The following PALLD variants were observed in gnomAD, a reference collection of about 807,000 sequenced individuals.
PALLD encodes the protein palladin, cytoskeletal associated protein, also known as palladin.
PALLD carries 61 observed loss-of-function variants against 123.5 expected under a neutral mutation model. The ratio of observed to expected loss-of-function variants is 0.49; its 90% CI spans 0.40 to 0.61. The LOEUF (loss-of-function observed/expected upper bound fraction) is 0.61. Among genes scored for constraint, PALLD ranks in the 20% least tolerant of loss-of-function variants. The pLI is 0.00. For missense variants in PALLD, 1,273 were observed against 1,377.0 expected, an observed-to-expected ratio of 0.92 and a Z score of 1.20; for synonymous variants, 465 against 496.4, an observed-to-expected ratio of 0.94 and a Z score of 0.84.
At chr4:168,679,464 A>ATAT (rs1781316322) in intron 3 of PALLD, among the ~76,000 whole-genome samples, 1 of 38,782 alleles carries the variant, frequency 2.6e-5, no homozygotes, top group African/African-American at 1.2e-4. Context: ...GTGAGTATGG[A>ATAT]CGTGTGTGGG....
chr4:168,635,794 C>T (rs1164611249), intron 2 of PALLD, among the ~76,000 whole-genome samples: 1 of 152,126 alleles, frequency 6.6e-6, no homozygotes, highest in Non-Finnish European at 1.5e-5. Flanking sequence ...TGGATTCCCG[C>T]AGTTTGAGTC....
At chr4:168,557,507 C>T (rs1767441766) in intron 2 of PALLD, among the ~76,000 whole-genome samples, 1 of 152,210 alleles carries the variant, frequency 6.6e-6, no homozygotes, top group African/African-American at 2.4e-5. Context: ...AAATCATATT[C>T]ATTAGTTCAT....
chr4:168,505,435 C>G (rs1436944723), intron 1 of PALLD, among the ~76,000 whole-genome samples: 1 of 152,158 alleles, frequency 6.6e-6, no homozygotes, highest in African/African-American at 2.4e-5. Flanking sequence ...TATAATGCTC[C>G]TTGTGAAGTT....
rs1218207967 is a variant in PALLD, at chr4:168,844,973, G to A, written c.1965-45949G>A. 6.6e-6 allele frequency among the ~76,000 whole-genome samples: 1 copy of A among 152,150 alleles called. No individual in the cohort carries two copies. The highest frequency in any genetic ancestry group is 6.5e-5 in the Admixed American group (1 of 15,278). ...CTCTGAGGAGGGACTGACCAGCTCT[G>A]CCTGGGGGAGTAAGGAGAAGCTTCA... On this transcript the variant is annotated intron_variant, in intron 10 of 21. Coordinates refer to ENST00000505667, the MANE Select transcript of PALLD (RefSeq NM_001166108.2). This position sits in a 1 kb window ranked among gnomAD's most constrained non-coding sequence, Gnocchi z 4.5.
Position 168,668,249 on chromosome 4 carries a change from G to A in PALLD, c.968G>A (p.Gly323Glu). 1 of 1,614,080 alleles carries A rather than the reference G, an allele frequency of 6.2e-7. No homozygotes were observed. The highest frequency in any genetic ancestry group is 8.5e-7 in the Non-Finnish European group (1 of 1,179,916). ...NTPDIQIHCE[G>E]GDLHTLIIAE... ...CCTGATATTCAAATCCACTGTGAGG[G>A]AGGGGACCTCCATACCCTGATCATA... The change falls in exon 3 of 22, where the codon GGA (glycine) becomes GAA (glutamate). Residue 323 changes from glycine (G) to glutamate (E), a missense_variant. Physicochemically the swap from Gly to Glu is moderately conservative, Grantham distance 98 (BLOSUM62 -2). This residue lies in a region of PALLD where 944 missense variants were observed against 954.5 expected (regional missense o/e 0.99). Coordinates refer to ENST00000505667, the MANE Select transcript of PALLD (RefSeq NM_001166108.2).
At chr4:168,750,541 T>TA (rs1174566624) in intron 10 of PALLD, among the ~76,000 whole-genome samples, 2 of 152,292 alleles carry the variant, frequency 1.3e-5, no homozygotes, top group East Asian at 1.9e-4. Context: ...TATATATATA[T>TA]TTTTTAACAA....
At chr4:168,761,405 T>C (rs1421672101) in intron 10 of PALLD, among the ~76,000 whole-genome samples, 1 of 152,068 alleles carries the variant, frequency 6.6e-6, no homozygotes, top group East Asian at 1.9e-4. Flanking sequence ...ATCCACAGGA[T>C]TTACATGAAA....
At chr4:168,670,775 C>CAA (rs112589264) in intron 3 of PALLD, among the ~76,000 whole-genome samples, 1 of 100,214 alleles carries the variant, frequency 1.0e-5, no homozygotes, top group Non-Finnish European at 2.0e-5. Flanking sequence ...CAAAAAAAAA[C>CAA]AAAAAAAAAA....
At chr4:168,872,112 G>A (rs1751161390) in intron 10 of PALLD, among the ~76,000 whole-genome samples, 1 of 152,186 alleles carries the variant, frequency 6.6e-6, no homozygotes, top group Non-Finnish European at 1.5e-5. Context: ...GCCATCCTTT[G>A]ATATTCCAGA....
chr4:168,644,165 T>C (rs1406859235), intron 2 of PALLD, among the ~76,000 whole-genome samples: 3 of 151,822 alleles, frequency 2.0e-5, no homozygotes, highest in Non-Finnish European at 4.4e-5. Flanking sequence ...CTTGGCTCTC[T>C]GCAACCTCCA....
At chr4:168,530,127 G>C (rs998778003) in intron 2 of PALLD, among the ~76,000 whole-genome samples, 11 of 152,196 alleles carry the variant, frequency 7.2e-5, no homozygotes, top group African/African-American at 2.7e-4. Flanking sequence ...TACTTTGATA[G>C]AAATGGAGTA....
At chr4:168,772,220 G>A (rs2150505920) in intron 10 of PALLD, among the ~76,000 whole-genome samples, 1 of 152,270 alleles carries the variant, frequency 6.6e-6, no homozygotes, top group East Asian at 1.9e-4. Flanking sequence ...TGACAGCTAG[G>A]ACTTGAACAC....
chr4:168,617,420 G>A (rs543035794), intron 2 of PALLD, among the ~76,000 whole-genome samples: 80 of 152,320 alleles, frequency 5.3e-4, no homozygotes, highest in East Asian at 4.2e-3. Context: ...GCAGTCCATT[G>A]TGGGGGATGA....
Position 168,896,574 on chromosome 4 carries a change from T to C in PALLD, c.2225T>C (p.Val742Ala), listed in dbSNP as rs756024689. 75 of 1,517,018 alleles carry C rather than the reference T, an allele frequency of 4.9e-5. No individual in the cohort carries two copies. The African/African-American group carries it at 9.0e-4, about 18-fold the overall frequency. The allele number at this position is 1,517,018 out of a possible 1,614,324, so 94.0% of individuals were successfully genotyped here. Reference sequence around the variant, plus strand: ...GACATTGGTTCTCCTCATGCTTCTGTAGGGAGTCCTCTGGATGGTCAAAAG... The same window carrying C: ...GACATTGGTTCTCCTCATGCTTCTGCAGGGAGTCCTCTGGATGGTCAAAAG... ...NQDIGSPHAS[V>A]GSPLDGQKEY... The change falls in exon 13 of 22, where the codon GTA becomes GCA. Residue 742 changes from valine (V) to alanine (A), a missense_variant. Physicochemically the swap from Val to Ala is moderately conservative, Grantham distance 64. Around this residue, in one of 2 missense-constraint regions of PALLD, gnomAD observed 944 missense variants for 954.5 expected, o/e 0.99. Transcript: ENST00000505667.
intron 10 of PALLD, among the ~76,000 whole-genome samples, chr4:168,828,618 C>G (rs1320405603): frequency 3.9e-5 from 6 of 152,186 alleles, no homozygotes. Flanking sequence ...TTTTAACCAC[C>G]TATGTTTCAC....
intron 10 of PALLD, among the ~76,000 whole-genome samples, chr4:168,788,137 A>C (rs1737007573): frequency 2.0e-5 from 3 of 152,236 alleles, no homozygotes; most frequent in African/African-American, 7.2e-5. Context: ...CATAGATAGA[A>C]GGTGAAATGA....
chr4:168,668,852 G>A (rs1250471033), intron 3 of PALLD, among the ~76,000 whole-genome samples: 5 of 152,134 alleles, frequency 3.3e-5, no homozygotes, highest in African/African-American at 1.2e-4. Context: ...GCAATCACTA[G>A]GTGAGAATAT....
rs184792974 is a variant in PALLD at position 168,577,038 on chromosome 4, G to C, written c.908+64626G>C. ...CTTCAACCGAATTAAATTTAAAAGA[G>C]TTTAATTGAGCAATGAACAATTCAT... On this transcript the variant is annotated intron_variant, in intron 2 of 21. Transcript: ENST00000505667. Among the ~76,000 whole-genome samples, 6 of 152,216 alleles carry C rather than the reference G, an allele frequency of 3.9e-5. No homozygotes were observed. The East Asian group carries it at 9.7e-4, about 25-fold the overall frequency.
chr4:168,711,844 A>C lies in PALLD; in HGVS notation c.1885A>C (p.Ser629Arg). Residue 629 changes from serine to arginine, a missense_variant, in exon 10 of 22, where the codon AGT becomes CGT. Physicochemically the swap from Ser to Arg is moderately radical, Grantham distance 110. Coordinates refer to ENST00000505667, the MANE Select transcript of PALLD (RefSeq NM_001166108.2). ...VNGLINGKAN[S>R]NKSLPTPAVL... The stretch of plus-strand genomic sequence containing the variant: ...TGGACTGATTAACGGCAAAGCTAAC[A>C]GTAATAAATCTCTTCCAACACCAGC... 6.2e-7 allele frequency: 1 copy of C among 1,614,218 alleles called. No individual in the cohort carries two copies. Among genetic ancestry groups the C allele is most frequent in the Non-Finnish European group, 8.5e-7 (1 of 1,180,038 alleles).
Sources: gnomAD v4.1 joint callset for allele counts (sites outside exome capture counted in the v4.1 genomes callset) on GRCh38, gnomAD v4.1.1 for gene constraint, gnomAD v4.1.1 regional missense constraint, Gnocchi (gnomAD v3.1) non-coding constraint, MANE v1.5 for transcripts, NCBI Gene and HGNC (gene_info 2026-07-23, HGNC 2026-07-21) for gene names.